Variants in VSTM4 observed in about 807,000 individuals in gnomAD.
VSTM4 encodes V-set and transmembrane domain containing 4.
A neutral mutation model predicts 36.4 loss-of-function variants in VSTM4; 20 were observed. That is an observed-to-expected ratio of 0.55 (90% confidence interval 0.39 to 0.80). VSTM4 has a LOEUF of 0.80. Ranked by LOEUF, VSTM4 falls within the 30% of genes least tolerant of loss-of-function variation. The probability of loss-of-function intolerance (pLI) is 0.00; values close to 1 mark genes in which losing one functional copy is unlikely to be tolerated. For synonymous variants in VSTM4, 182 were observed against 173.9 expected (o/e 1.05, Z -0.37); for missense variants, 392 against 404.5 (o/e 0.97, Z 0.26).
chr10:49,097,770 T>A (rs558603628), intron 2 of VSTM4, among the ~76,000 whole-genome samples: 1 of 152,246 alleles, frequency 6.6e-6, no homozygotes, highest in African/African-American at 2.4e-5. Flanking sequence ...CCCTAAAATA[T>A]GAAATTGTCA....
chr10:49,085,704 C>T (rs1172159340), intron 3 of VSTM4, among the ~76,000 whole-genome samples: 7 of 151,958 alleles, frequency 4.6e-5, no homozygotes, highest in African/African-American at 1.4e-4. Flanking sequence ...ATTCTGTTTC[C>T]TTCCTATTGT....
rs994715485 is a variant in VSTM4, at chr10:49,103,952, T to A, written c.457+3642A>T. On this transcript the variant is annotated intron_variant, in intron 2 of 7. Coordinates refer to ENST00000332853, the MANE Select transcript of VSTM4 (RefSeq NM_001031746.5). Reference sequence around the variant, plus strand: ...CACTCAAACCCCCAAGAGCTCCTGTTTGATATTCTAACCCAAAGGTACGGA... The same window carrying A: ...CACTCAAACCCCCAAGAGCTCCTGTATGATATTCTAACCCAAAGGTACGGA... 12 of 1,056,772 alleles carry A rather than the reference T, an allele frequency of 1.1e-5. No individual in the cohort carries two copies. The African/African-American group carries it at 1.8e-4, about 15-fold the overall frequency. The allele number at this position is 1,056,772 out of a possible 1,614,324, so 65.5% of individuals were successfully genotyped here.
chr10:49,048,530 C>T lies in VSTM4; in HGVS notation c.723G>A (p.Lys241=). 1 of 1,599,338 alleles carries T rather than the reference C, an allele frequency of 6.3e-7. No homozygotes were observed. Among genetic ancestry groups the T allele is most frequent in the Admixed American group, 1.7e-5 (1 of 57,416 alleles). ...CAGGCTTCTCCTTCTGCCTCTTGCCCTTCTTGGGCTGTAGTGGGGCCAAGC... is the reference window on the plus strand; with the variant it reads ...CAGGCTTCTCCTTCTGCCTCTTGCCTTTCTTGGGCTGTAGTGGGGCCAAGC... ...VTSLAPLQPK[K]GKRQKEKPDI... The change falls in exon 6 of 8, where the codon AAG becomes AAA. Residue 241 remains lysine (K), a synonymous_variant. Transcript: ENST00000332853.
At chr10:49,098,209 G>A (rs1844607739) in intron 2 of VSTM4, among the ~76,000 whole-genome samples, 1 of 152,172 alleles carries the variant, frequency 6.6e-6, no homozygotes, top group Non-Finnish European at 1.5e-5. Context: ...TGGGCACACA[G>A]CCCTCAGGCC....
At chr10:49,090,503 C>A (rs1367652103) in intron 2 of VSTM4, among the ~76,000 whole-genome samples, 1 of 152,168 alleles carries the variant, frequency 6.6e-6, no homozygotes, top group Non-Finnish European at 1.5e-5. Context: ...TGATGGTGGA[C>A]TCTGCTGCTC....
intron 2 of VSTM4, among the ~76,000 whole-genome samples, chr10:49,092,348 C>T (rs6537494): frequency 0.22 from 32,958 of 151,976 alleles, 4,271 homozygotes; most frequent in South Asian, 0.35. Context: ...AGAAGAAAGA[C>T]TGAGTACAAG....
intron 1 of VSTM4, among the ~76,000 whole-genome samples, chr10:49,112,086 C>T (rs912446488): frequency 1.3e-5 from 2 of 152,196 alleles, no homozygotes; most frequent in Non-Finnish European, 2.9e-5. Flanking sequence ...AACTGTACCC[C>T]ACTGTGGCCC....
chr10:49,045,487 T>C (rs1233389396), intron 7 of VSTM4, among the ~76,000 whole-genome samples: 2 of 152,156 alleles, frequency 1.3e-5, no homozygotes, highest in East Asian at 1.9e-4. Flanking sequence ...GAATGCAAGA[T>C]TAGTGGGCAA....
intron 7 of VSTM4, among the ~76,000 whole-genome samples, chr10:49,039,141 G>A (rs1375134872): frequency 6.6e-6 from 1 of 152,174 alleles, no homozygotes; most frequent in Non-Finnish European, 1.5e-5. Flanking sequence ...GGGGGGCAGA[G>A]GGGAGGAGGC....
intron 3 of VSTM4, among the ~76,000 whole-genome samples, chr10:49,085,468 A>T (rs1844353595): frequency 6.6e-6 from 1 of 152,240 alleles, no homozygotes; most frequent in South Asian, 2.1e-4. Context: ...TAGTCACAGT[A>T]GAGGTACTTA....
intron 7 of VSTM4, among the ~76,000 whole-genome samples, chr10:49,042,918 G>A (rs114130707): frequency 1.2e-3 from 190 of 152,298 alleles, no homozygotes; most frequent in African/African-American, 4.1e-3. Context: ...GAGACCACAG[G>A]GGGTGAGTAA....
chr10:49,041,939 T>G (rs189953808), intron 7 of VSTM4, among the ~76,000 whole-genome samples: 50 of 152,354 alleles, frequency 3.3e-4, no homozygotes, highest in Admixed American at 2.4e-3. Context: ...GAGACTGGAT[T>G]AGAAACAATA....
chr10:49,105,692 C>T (rs1454319528), intron 2 of VSTM4, among the ~76,000 whole-genome samples: 3 of 152,204 alleles, frequency 2.0e-5, no homozygotes, highest in Non-Finnish European at 4.4e-5. Flanking sequence ...AATGACTCTG[C>T]TTACTTGAAG....
intron 7 of VSTM4, among the ~76,000 whole-genome samples, chr10:49,042,835 C>T (rs943986415): frequency 2.0e-5 from 3 of 152,098 alleles, no homozygotes; most frequent in Admixed American, 6.5e-5. Flanking sequence ...GATATAAACA[C>T]AAAATATGTC....
chr10:49,029,110 G>A (rs941424065), intron 7 of VSTM4, among the ~76,000 whole-genome samples: 1 of 152,214 alleles, frequency 6.6e-6, no homozygotes, highest in African/African-American at 2.4e-5. Context: ...CTATTTGACA[G>A]AGGGTCTCCT....
rs576588989 is a variant in VSTM4 at position 49,077,002 on chromosome 10, G to A, written c.634+217C>T. Among the ~76,000 whole-genome samples the A allele has an allele frequency of 1.3e-3, 203 of 152,294 alleles. 1 individual carries two copies. The highest frequency in any genetic ancestry group is 4.5e-3 in the African/African-American group (186 of 41,554). ...ACAGCAGGAAGGGGCCTCAGAAACC[G>A]AGAAAGGGGAAATTCAGTGATGTCA... On this transcript the variant is annotated intron_variant, in intron 4 of 7. Transcript: ENST00000332853.
At chr10:49,075,024 C>T (rs1279711342) in intron 4 of VSTM4, among the ~76,000 whole-genome samples, 1 of 152,176 alleles carries the variant, frequency 6.6e-6, no homozygotes, top group Admixed American at 6.5e-5. Context: ...AGGTGCCTGG[C>T]CCACAGCGGG....
intron 1 of VSTM4, among the ~76,000 whole-genome samples, chr10:49,113,730 T>C (rs1037819621): frequency 6.6e-6 from 1 of 152,166 alleles, no homozygotes; most frequent in African/African-American, 2.4e-5. Flanking sequence ...GGCAGAAAAG[T>C]ACAGCAGTTA....
At chr10:49,033,873 C>A (rs528274107) in intron 7 of VSTM4, among the ~76,000 whole-genome samples, 4 of 152,178 alleles carry the variant, frequency 2.6e-5, no homozygotes, top group East Asian at 3.9e-4. Context: ...TGAGCATTAT[C>A]ATTATCATCA....
Sources: allele counts gnomAD v4.1 joint callset (sites outside exome capture counted in the v4.1 genomes callset), GRCh38; gene constraint gnomAD v4.1.1; transcripts MANE v1.5; gene names NCBI Gene and HGNC (gene_info 2026-07-23, HGNC 2026-07-21).